HSP90AA1: variants seen among roughly 807,000 people sequenced by gnomAD.
HSP90AA1 encodes heat shock protein HSP 90-alpha.
HSP90AA1 carries 18 observed loss-of-function variants against 73.3 expected under a neutral mutation model. The ratio of observed to expected loss-of-function variants is 0.25; its 90% CI spans 0.17 to 0.36. HSP90AA1 has a LOEUF of 0.36. Among genes scored for constraint, HSP90AA1 ranks in the 10% least tolerant of loss-of-function variants. The pLI is 1.00. For synonymous variants in HSP90AA1, 477 were observed against 296.9 expected (o/e 1.61, Z -6.24); for missense variants, 704 against 874.2 (o/e 0.81, Z 2.45).
Position 102,081,514 on chromosome 14 carries a change from A to G in HSP90AA1, c.*198T>C. 1 of 603,594 alleles carries G rather than the reference A, an allele frequency of 1.7e-6. No homozygotes were observed. The highest frequency in any genetic ancestry group is 2.9e-6 in the Non-Finnish European group (1 of 340,280). 37.4% of individuals were successfully genotyped at this position (603,594 alleles called of 1,614,324 possible). On this transcript the variant is annotated 3_prime_UTR_variant, in exon 11 of 11. Coordinates refer to ENST00000216281, the MANE Select transcript of HSP90AA1 (RefSeq NM_005348.4). Reference sequence around the variant, plus strand: ...AAAATAAACCAACATGAAACTCAAAAAGCATTACTAGCTCTGCTTTAGTGC... The same window carrying G: ...AAAATAAACCAACATGAAACTCAAAGAGCATTACTAGCTCTGCTTTAGTGC...
chr14:102,098,232 G>T (rs1213065298), intron 2 of HSP90AA1, among the ~76,000 whole-genome samples: 1 of 151,948 alleles, frequency 6.6e-6, no homozygotes, highest in Non-Finnish European at 1.5e-5. Flanking sequence ...CCTGATCTCG[G>T]CTCACTACAA....
At chr14:102,086,755 G>A (rs1398776228) in intron 1 of HSP90AA1, among the ~76,000 whole-genome samples, 2 of 151,454 alleles carry the variant, frequency 1.3e-5, no homozygotes, top group African/African-American at 2.4e-5. Flanking sequence ...CGCCAGCTCT[G>A]GCGCTGCTGC....
chr14:102,101,898 G>A (rs1430789382), exon 2 of HSP90AA1: 1 of 1,613,928 alleles, frequency 6.2e-7, no homozygotes, highest in South Asian at 1.1e-5. Context: ...AATATAAATG[G>A]CTGCAGATCC....
chr14:102,084,379 T>C lies in HSP90AA1; in HGVS notation c.1147+20A>G. ...CTTCTTTAATCAGTGACAGTGATTA[T>C]TTTTCCTATCTATACTTACTCAGAT... is the stretch of plus-strand genomic sequence containing the variant. On this transcript the variant is annotated intron_variant, in intron 6 of 10. Transcript: ENST00000216281. The C allele has an allele frequency of 3.1e-6, 5 of 1,607,436 alleles. No individual in the cohort carries two copies. The highest frequency in any genetic ancestry group is 4.3e-6 in the Non-Finnish European group (5 of 1,173,884).
chr14:102,097,771 A>G (rs993852357), intron 2 of HSP90AA1, among the ~76,000 whole-genome samples: 14 of 152,168 alleles, frequency 9.2e-5, no homozygotes, highest in African/African-American at 1.7e-4. Context: ...GGAATTGCCT[A>G]TGTGGCCAAT....
chr14:102,092,218 G>A (rs1486920951), intron 2 of HSP90AA1, among the ~76,000 whole-genome samples: 2 of 151,688 alleles, frequency 1.3e-5, no homozygotes, highest in Admixed American at 6.6e-5. Context: ...ACATGCATGC[G>A]TCACCACACC....
At chr14:102,138,633 C>T (rs1282602981) in intron 1 of HSP90AA1, among the ~76,000 whole-genome samples, 1 of 152,048 alleles carries the variant, frequency 6.6e-6, no homozygotes, top group African/African-American at 2.4e-5. Context: ...GATTTACACT[C>T]CTCCTACTTT....
intron 1 of HSP90AA1, among the ~76,000 whole-genome samples, chr14:102,107,355 T>G (rs1184595064): frequency 1.3e-4 from 20 of 151,984 alleles, no homozygotes; most frequent in Admixed American, 1.3e-3. Context: ...AGACGTAGTG[T>G]TGCTCTATTG....
At chr14:102,102,276 G>A (rs1455421529) in intron 1 of HSP90AA1, among the ~76,000 whole-genome samples, 1 of 152,144 alleles carries the variant, frequency 6.6e-6, no homozygotes, top group Non-Finnish European at 1.5e-5. Flanking sequence ...AAATGGACCA[G>A]GGTCCCAGTA....
chr14:102,085,191 TC>T, intron 4 of HSP90AA1, 106 bp downstream of exon 4: 1 of 1,423,280 alleles, frequency 7.0e-7, no homozygotes, highest in Non-Finnish European at 9.9e-7. Flanking sequence ...GAGCTTAGGT[TC>T]CCCAGGCTTC....
At position 102,084,666 on chromosome 14, in the gene HSP90AA1, C is replaced by G. The variant is rs1595657226; in HGVS notation, c.981+15G>C. ...TAATCTAAGGACAAGCTTGAAGCAC[C>G]CATCAGTCACTCACCTTCACTGCCA... On this transcript the variant is annotated intron_variant, in intron 5 of 10. Coordinates refer to ENST00000216281, the MANE Select transcript of HSP90AA1 (RefSeq NM_005348.4). 1.2e-6 allele frequency: 2 copies of G among 1,613,794 alleles called. No homozygotes were observed. The highest frequency in any genetic ancestry group is 2.7e-5 in the African/African-American group (2 of 74,986).
intron 1 of HSP90AA1, among the ~76,000 whole-genome samples, chr14:102,137,556 C>G (rs2050022617): frequency 6.6e-6 from 1 of 151,904 alleles, no homozygotes; most frequent in Non-Finnish European, 1.5e-5. Context: ...AACTCCTGAC[C>G]TCGTGATCTG....
upstream of HSP90AA1, among the ~76,000 whole-genome samples, chr14:102,090,990 A>G (rs185268533): frequency 4.9e-4 from 75 of 152,260 alleles, no homozygotes; most frequent in Non-Finnish European, 9.3e-4. Flanking sequence ...TACCCTTTCT[A>G]TGCATCCAGT....
chr14:102,082,777 G>A (rs1356894302), intron 9 of HSP90AA1: 9 of 507,922 alleles, frequency 1.8e-5, no homozygotes, highest in Admixed American at 9.8e-5. Context: ...GTGCCACCAC[G>A]CCTGGTTTAT....
chr14:102,125,584 T>TC (rs1257819962), intron 1 of HSP90AA1, among the ~76,000 whole-genome samples: 49 of 152,050 alleles, frequency 3.2e-4, no homozygotes, highest in Admixed American at 1.8e-3. Flanking sequence ...GGGCTGAATC[T>TC]CCCCCGCTCA....
At chr14:102,089,328 C>G (rs1469195967), upstream of HSP90AA1, among the ~76,000 whole-genome samples, 1 of 152,198 alleles carries the variant, frequency 6.6e-6, no homozygotes, top group African/African-American at 2.4e-5. Flanking sequence ...CTGGGAACCA[C>G]TGTTTCCCGT....
At chr14:102,130,223 C>G (rs2049891928) in intron 1 of HSP90AA1, among the ~76,000 whole-genome samples, 1 of 152,124 alleles carries the variant, frequency 6.6e-6, no homozygotes, top group South Asian at 2.1e-4. Flanking sequence ...CCTGCCTCGG[C>G]CTCCCAAAAC....
chr14:102,123,238 T>C (rs1467584078), intron 1 of HSP90AA1, among the ~76,000 whole-genome samples: 1 of 151,540 alleles, frequency 6.6e-6, no homozygotes, highest in African/African-American at 2.4e-5. Context: ...CTACTAAAAA[T>C]ACAAAAAATT....
At chr14:102,139,256 A>C in exon 1 of HSP90AA1, 1 of 1,614,146 alleles carries the variant, frequency 6.2e-7, no homozygotes, top group East Asian at 2.2e-5. Context: ...GTACCTTCTC[A>C]GAAACGGCGG....
Sources: allele counts gnomAD v4.1 joint callset (sites outside exome capture counted in the v4.1 genomes callset), GRCh38; gene constraint gnomAD v4.1.1; transcripts MANE v1.5; gene names NCBI Gene and HGNC (gene_info 2026-07-23, HGNC 2026-07-21).